Variants in EMSY observed in about 807,000 individuals in gnomAD.
The protein encoded by EMSY is BRCA2-interacting transcriptional repressor EMSY.
EMSY carries 26 observed loss-of-function variants against 134.6 expected under a neutral mutation model. The ratio of observed to expected loss-of-function variants is 0.19; its 90% CI spans 0.14 to 0.27. The LOEUF (loss-of-function observed/expected upper bound fraction) is 0.27, where lower values mean the gene tolerates loss of function less well. Ranked by LOEUF, EMSY falls within the 10% of genes least tolerant of loss-of-function variation. The probability of loss-of-function intolerance (pLI) is 1.00; values close to 1 mark genes in which losing one functional copy is unlikely to be tolerated. For missense variants in EMSY, 1,305 were observed against 1,611.4 expected, an observed-to-expected ratio of 0.81 and a Z score of 3.26; for synonymous variants, 579 against 577.8, an observed-to-expected ratio of 1.00 and a Z score of -0.03.
intron 9 of EMSY, among the ~76,000 whole-genome samples, chr11:76,506,947 G>A (rs1466305015): frequency 6.6e-6 from 1 of 152,108 alleles, no homozygotes; most frequent in Non-Finnish European, 1.5e-5. Context: ...CCTTACAGGG[G>A]ATTCATTACA....
intron 8 of EMSY, among the ~76,000 whole-genome samples, chr11:76,478,340 A>ATTTTTTT (rs371584435): frequency 8.2e-6 from 1 of 122,574 alleles, no homozygotes; most frequent in African/African-American, 3.1e-5. Flanking sequence ...CATGTGAATA[A>ATTTTTTT]TTTTTTTTTT....
At chr11:76,539,689 T>C in intron 17 of EMSY, 49 bp downstream of exon 18, 1 of 1,575,486 alleles carries the variant, frequency 6.3e-7, no homozygotes, top group Non-Finnish European at 8.7e-7. Flanking sequence ...AAAAGATGAT[T>C]GTTTTGGGGG....
chr11:76,464,735 G>T (rs1363755873), intron 7 of EMSY, among the ~76,000 whole-genome samples: 1 of 152,026 alleles, frequency 6.6e-6, no homozygotes, highest in Non-Finnish European at 1.5e-5. Context: ...TGCTTATTTT[G>T]CCAGAGCATA....
intron 6 of EMSY, chr11:76,461,075 A>G (rs1948097486): frequency 6.6e-6 from 1 of 152,180 alleles, no homozygotes; most frequent in South Asian, 2.1e-4. Flanking sequence ...TGAGGATCTT[A>G]TGCTGCTTCA....
chr11:76,463,864 G>T, exon 7 of EMSY: 1 of 1,614,138 alleles, frequency 6.2e-7, no homozygotes, highest in Non-Finnish European at 8.5e-7. Context: ...GAAAACGAAG[G>T]CGAACAAACT....
intron 3 of EMSY, among the ~76,000 whole-genome samples, chr11:76,452,431 G>A (rs1947707039): frequency 6.6e-6 from 1 of 152,120 alleles, no homozygotes; most frequent in African/African-American, 2.4e-5. Context: ...GGCTCTTCCT[G>A]TTACTTAACA....
intron 9 of EMSY, among the ~76,000 whole-genome samples, chr11:76,499,494 A>G (rs755820503): frequency 6.6e-6 from 1 of 151,212 alleles, no homozygotes; most frequent in Non-Finnish European, 1.5e-5. Context: ...TCACCGTGTT[A>G]TCCAGGATGG....
At chr11:76,546,967 A>C in intron 20 of EMSY, 1 of 411,096 alleles carries the variant, frequency 2.4e-6, no homozygotes, top group Non-Finnish European at 4.8e-6. Context: ...TTATTCATTG[A>C]TAATAGATGG....
At chr11:76,504,573 G>C (rs1950000896) in intron 9 of EMSY, among the ~76,000 whole-genome samples, 1 of 152,112 alleles carries the variant, frequency 6.6e-6, no homozygotes. Flanking sequence ...CTCATACACT[G>C]CTGGTGGGAA....
chr11:76,523,148 T>C lies in EMSY; in HGVS notation c.1685-7T>C, dbSNP rs199909771. 2,760 of 1,603,380 alleles carry C rather than the reference T, an allele frequency of 1.7e-3. 47 individuals carry two copies. Among genetic ancestry groups the C allele is most frequent in the Middle Eastern group, 6.7e-3 (40 of 5,988 alleles). On this transcript the variant is annotated splice_region_variant and splice_polypyrimidine_tract_variant and intron_variant, in intron 11 of 20. Transcript: ENST00000334736. ...CTCAGGCCTCCTTTTCTTCCCCCTTTTCTAAGGAACGACTACCAAAATCAC... is the reference window on the plus strand; with the variant it reads ...CTCAGGCCTCCTTTTCTTCCCCCTTCTCTAAGGAACGACTACCAAAATCAC...
At chr11:76,472,916 C>T in intron 8 of EMSY, 76 bp downstream of exon 9, 3 of 1,502,184 alleles carry the variant, frequency 2.0e-6, no homozygotes, top group Non-Finnish European at 2.7e-6. Context: ...GGGTATGTTT[C>T]TCTGCTTTGG....
intron 4 of EMSY, 145 bp downstream of exon 5, chr11:76,454,935 A>C: frequency 5.0e-6 from 3 of 604,768 alleles, no homozygotes; most frequent in Non-Finnish European, 5.4e-6. Context: ...CCCCCTCCTA[A>C]TACTGCCCAC....
downstream of EMSY, chr11:76,552,060 A>G (rs917454723): frequency 2.6e-5 from 4 of 152,256 alleles, no homozygotes; most frequent in African/African-American, 9.6e-5. Context: ...TAAAAGTGCT[A>G]TCATCTACAT....
chr11:76,475,059 C>T (rs10899222), intron 8 of EMSY, among the ~76,000 whole-genome samples: 87,796 of 152,120 alleles, frequency 0.58, 26,334 homozygotes, highest in East Asian at 0.82. Flanking sequence ...CCACCATGCC[C>T]GGCCTAAATA....
intron 14 of EMSY, 47 bp from the exon 16 acceptor site, chr11:76,535,848 G>T: frequency 1.3e-5 from 16 of 1,259,720 alleles, no homozygotes; most frequent in Non-Finnish European, 1.6e-5. Context: ...TTTTTTAAGA[G>T]AAACTTTGTT....
chr11:76,473,077 T>G (rs1222233592), intron 8 of EMSY, among the ~76,000 whole-genome samples: 3 of 152,200 alleles, frequency 2.0e-5, no homozygotes, highest in Non-Finnish European at 2.9e-5. Flanking sequence ...CTGCTAACAT[T>G]CACAAAATGT....
In EMSY at chr11:76,512,328, A is replaced by G. The variant is rs376076657; in HGVS notation, c.1364-1058A>G. Among the ~76,000 whole-genome samples, 3 of 152,226 alleles carry G rather than the reference A, an allele frequency of 2.0e-5. No homozygotes were observed. The South Asian group carries it at 6.2e-4, about 32-fold the overall frequency. On this transcript the variant is annotated intron_variant, in intron 9 of 20. Transcript: ENST00000334736. ...CCCCAAGATAACTTTGCCAGGAAAT[A>G]TCTTGCTTTGATTATTATTTTTGCA...
chr11:76,450,509 T>C (rs1451665807), intron 2 of EMSY, among the ~76,000 whole-genome samples: 2 of 151,586 alleles, frequency 1.3e-5, no homozygotes, highest in African/African-American at 4.9e-5. Flanking sequence ...TTTTTCCTTC[T>C]GAGACAGAGT....
intron 20 of EMSY, chr11:76,547,017 A>G (rs1262854048): frequency 4.5e-6 from 2 of 446,468 alleles, no homozygotes; most frequent in East Asian, 7.1e-5. Context: ...ATCTCTTGTC[A>G]TGCATAATAG....
Sources: allele counts gnomAD v4.1 joint callset (sites outside exome capture counted in the v4.1 genomes callset), GRCh38; gene constraint gnomAD v4.1.1; transcripts MANE v1.5; gene names NCBI Gene and HGNC (gene_info 2026-07-23, HGNC 2026-07-21).